The following SLC39A14 variants were observed in gnomAD, a reference collection of about 807,000 sequenced individuals.
SLC39A14 encodes solute carrier family 39 member 14, also known as metal cation symporter ZIP14.
A neutral mutation model predicts 45.5 loss-of-function variants in SLC39A14; 19 were observed. The observed-to-expected ratio is 0.42, with a 90% CI of 0.29 to 0.61. The LOEUF is 0.61. Among genes scored for constraint, SLC39A14 ranks in the 20% least tolerant of loss-of-function variants. The pLI, the probability that SLC39A14 is intolerant of heterozygous loss-of-function variation, is 0.22. For missense variants in SLC39A14, 447 were observed against 616.5 expected (o/e 0.73, Z 2.91); for synonymous variants, 264 against 251.3 (o/e 1.05, Z -0.48).
intron 1 of SLC39A14, among the ~76,000 whole-genome samples, chr8:22,400,008 G>A (rs117602077): frequency 0.017 from 2,549 of 152,256 alleles, 36 homozygotes; most frequent in Non-Finnish European, 0.025. Flanking sequence ...ACCTAGGGCC[G>A]TCCCCTCATA....
At chr8:22,403,321 C>T (rs1834997909) in intron 1 of SLC39A14, among the ~76,000 whole-genome samples, 1 of 148,804 alleles carries the variant, frequency 6.7e-6, no homozygotes, top group Admixed American at 6.9e-5. Context: ...GCTGTGTCGC[C>T]CAGGCTGGAG....
intron 8 of SLC39A14, among the ~76,000 whole-genome samples, chr8:22,433,177 ACAC>A (rs1056608595): frequency 1.3e-5 from 2 of 152,060 alleles, no homozygotes; most frequent in African/African-American, 4.8e-5. Flanking sequence ...TTTTTTTATT[ACAC>A]CACCAAGTGA....
intron 1 of SLC39A14, among the ~76,000 whole-genome samples, chr8:22,403,578 C>T (rs113970447): frequency 0.031 from 4,701 of 151,490 alleles, 215 homozygotes; most frequent in African/African-American, 0.1. Context: ...AGTGCCCGGC[C>T]GATGTTTATT....
intron 8 of SLC39A14, among the ~76,000 whole-genome samples, chr8:22,430,822 G>A (rs1194119356): frequency 6.6e-6 from 1 of 151,780 alleles, no homozygotes; most frequent in African/African-American, 2.4e-5. Context: ...ACAAGCCTGT[G>A]CCATCATGCC....
At chr8:22,390,227 C>G (rs1398024840) in intron 1 of SLC39A14, 1 of 154,094 alleles carries the variant, frequency 6.5e-6, no homozygotes, top group African/African-American at 2.4e-5. Flanking sequence ...GGTCTAATGT[C>G]TACAGTATCA....
intron 1 of SLC39A14, among the ~76,000 whole-genome samples, chr8:22,375,383 T>C (rs1235931390): frequency 6.6e-6 from 1 of 152,112 alleles, no homozygotes; most frequent in Non-Finnish European, 1.5e-5. Flanking sequence ...CATATTTCCT[T>C]ACAGTTGTTT....
chr8:22,378,057 G>A lies in SLC39A14; in HGVS notation c.-16+10649G>A, dbSNP rs368695077. 1.4e-4 allele frequency among the ~76,000 whole-genome samples: 21 copies of A among 152,258 alleles called. No homozygotes were observed. In the South Asian group the frequency reaches 3.9e-3, roughly 29 times the overall value. On this transcript the variant is annotated intron_variant, in intron 1 of 8. Coordinates refer to ENST00000381237, the MANE Select transcript of SLC39A14 (RefSeq NM_001128431.4). ...ATGTTAGAAGCTCTAAAGCCTGCCC[G>A]GTCCAAGATCAGAAACCACTACCAC...
At chr8:22,430,524 T>C (rs1411878935) in intron 8 of SLC39A14, among the ~76,000 whole-genome samples, 2 of 152,170 alleles carry the variant, frequency 1.3e-5, no homozygotes, top group African/African-American at 4.8e-5. Flanking sequence ...TCCAAGCAAC[T>C]TGAATGCCAG....
chr8:22,394,508 A>G (rs1834265136), intron 1 of SLC39A14, among the ~76,000 whole-genome samples: 2 of 148,644 alleles, frequency 1.3e-5, no homozygotes, highest in South Asian at 2.1e-4. Flanking sequence ...TTTAGTAGAG[A>G]CGGGGTTTCA....
At chr8:22,418,522 T>C (rs1385581229) in intron 8 of SLC39A14, among the ~76,000 whole-genome samples, 6 of 152,138 alleles carry the variant, frequency 3.9e-5, no homozygotes, top group East Asian at 1.9e-4. Context: ...TCTCAATGCA[T>C]TGGGTGTGTC....
At chr8:22,402,117 C>G (rs1001777410) in intron 1 of SLC39A14, among the ~76,000 whole-genome samples, 2 of 152,172 alleles carry the variant, frequency 1.3e-5, no homozygotes, top group African/African-American at 2.4e-5. Flanking sequence ...CGCAGTAGCT[C>G]ACGCCTGTAA....
intron 8 of SLC39A14, among the ~76,000 whole-genome samples, chr8:22,419,332 C>T (rs900519869): frequency 2.6e-5 from 4 of 151,952 alleles, no homozygotes; most frequent in Non-Finnish European, 4.4e-5. Context: ...TACAGGCCTG[C>T]GCCACCACGC....
At position 22,416,348 on chromosome 8, in the gene SLC39A14, G is replaced by A. The variant is rs987798038; in HGVS notation, c.1147+68G>A. Reference sequence around the variant, plus strand: ...TGGTGTAGGCCCCCTTCCTGTGGCCGGTTCCTTGCTCCCATCTCCCTGTCT... The same window carrying A: ...TGGTGTAGGCCCCCTTCCTGTGGCCAGTTCCTTGCTCCCATCTCCCTGTCT... On this transcript the variant is annotated intron_variant, in intron 7 of 8. Transcript: ENST00000381237. 6.9e-5 allele frequency: 93 copies of A among 1,339,118 alleles called. No individual in the cohort carries two copies. In the South Asian group the frequency reaches 9.8e-4, roughly 14 times the overall value. The allele number at this position is 1,339,118 out of a possible 1,614,324, so 83.0% of individuals were successfully genotyped here. A position where few individuals can be genotyped will look rare whatever the true frequency, so the allele number is the denominator to read the frequency against.
chr8:22,425,889 G>GTTTT (rs549782856), downstream of SLC39A14, among the ~76,000 whole-genome samples: 18 of 76,270 alleles, frequency 2.4e-4, 2 homozygotes, highest in East Asian at 2.5e-3. Flanking sequence ...GATGGTTTTT[G>GTTTT]TTTTTTTTTT....
chr8:22,416,569 C>T lies in SLC39A14; in HGVS notation c.1147+289C>T, dbSNP rs376692100. Among the ~76,000 whole-genome samples the T allele has an allele frequency of 1.0e-3, 156 of 151,938 alleles. 3 individuals carry two copies. In the South Asian group the frequency reaches 0.028, roughly 27 times the overall value. ...TCTCCCAAGTAGCTGGGATTACAGA[C>T]GCCTGCCACCACACTCGGCTAAATT... On this transcript the variant is annotated intron_variant, in intron 7 of 8. Transcript: ENST00000381237.
In SLC39A14 at chr8:22,367,294, G is replaced by C. The variant is rs146424305; in HGVS notation, c.-130G>C. 2 of 151,478 alleles carry C rather than the reference G, an allele frequency of 1.3e-5. No homozygotes were observed. Among genetic ancestry groups the C allele is most frequent in the East Asian group, 1.9e-4 (1 of 5,176 alleles). The allele number at this position is 151,478 out of a possible 1,614,324, so 9.4% of individuals were successfully genotyped here. A position where few individuals can be genotyped will look rare whatever the true frequency, so the allele number is the denominator to read the frequency against. On this transcript the variant is annotated 5_prime_UTR_variant, in exon 1 of 9. Coordinates refer to ENST00000381237, the MANE Select transcript of SLC39A14 (RefSeq NM_001128431.4). The surrounding 1 kb of genome is among the most constrained non-coding windows in gnomAD (Gnocchi z 4.2). Reference sequence around the variant, plus strand: ...GGTGCCGGGGCCCGGACGCAGTGAGGGGGGTCGGCGCGCGTGTCTACGCGG... The same window carrying C: ...GGTGCCGGGGCCCGGACGCAGTGAGCGGGGTCGGCGCGCGTGTCTACGCGG...
intron 1 of SLC39A14, among the ~76,000 whole-genome samples, chr8:22,399,257 C>T (rs1049455790): frequency 2.6e-5 from 4 of 152,182 alleles, no homozygotes; most frequent in South Asian, 2.1e-4. Context: ...CCCGTCCCAG[C>T]GGCGTCAACA....
intron 1 of SLC39A14, among the ~76,000 whole-genome samples, chr8:22,402,654 A>C (rs1264773750): frequency 3.3e-5 from 5 of 151,592 alleles, no homozygotes; most frequent in Non-Finnish European, 5.9e-5. Flanking sequence ...CTATAATCCC[A>C]GCTACTTGGG....
At position 22,403,638 on chromosome 8, in the gene SLC39A14, G is replaced by A. The variant is rs567036713; in HGVS notation, c.-15-1058G>A. On this transcript the variant is annotated intron_variant, in intron 1 of 8. Transcript: ENST00000381237. ...TTTCAAACATATATAAGTAGACAGG[G>A]CCGGGCACAGTGGCTCATGCCTATA... is the stretch of plus-strand genomic sequence containing the variant. Among the ~76,000 whole-genome samples the A allele has an allele frequency of 7.9e-5, 12 of 151,736 alleles. No homozygotes were observed. The East Asian group carries it at 1.6e-3, about 20-fold the overall frequency.
Sources: allele counts gnomAD v4.1 joint callset (sites outside exome capture counted in the v4.1 genomes callset), GRCh38; gene constraint gnomAD v4.1.1; non-coding constraint Gnocchi (gnomAD v3.1); transcripts MANE v1.5; gene names NCBI Gene and HGNC (gene_info 2026-07-23, HGNC 2026-07-21).